Variants in PTPRD observed in about 807,000 individuals in gnomAD.
The protein encoded by PTPRD is protein tyrosine phosphatase receptor type D.
A neutral mutation model predicts 214.5 loss-of-function variants in PTPRD; 34 were observed. That is an observed-to-expected ratio of 0.16 (90% CI 0.12 to 0.21). The LOEUF is 0.21. Among genes scored for constraint, PTPRD ranks in the 10% least tolerant of loss-of-function variants. PTPRD has a pLI of 1.00. For synonymous variants in PTPRD, 1,128 were observed against 845.7 expected (o/e 1.33, Z -5.79); for missense variants, 2,545 against 2,398.7 (o/e 1.06, Z -1.27).
chr9:10,579,296 T>G lies in PTPRD; in HGVS notation c.-600+33102A>C, dbSNP rs2070798000. The stretch of plus-strand genomic sequence containing the variant: ...TCCCACTCCCCATAGTAGTCCCCAG[T>G]GTCTATTGTTCCCATCTTTATGTCC... On this transcript the variant is annotated intron_variant, in intron 2 of 45. Transcript: ENST00000381196. 2.6e-5 allele frequency among the ~76,000 whole-genome samples: 4 copies of G among 152,142 alleles called. 1 individual carries two copies. The highest frequency in any genetic ancestry group is 2.6e-4 in the Admixed American group (4 of 15,266).
intron 5 of PTPRD, among the ~76,000 whole-genome samples, chr9:9,936,548 T>C (rs1040110932): frequency 7.0e-6 from 1 of 142,570 alleles, no homozygotes; most frequent in Non-Finnish European, 1.5e-5. Flanking sequence ...CCAGTTAGAA[T>C]GGCGATCATT....
At chr9:8,661,289 C>T (rs539200452) in intron 12 of PTPRD, among the ~76,000 whole-genome samples, 1 of 152,184 alleles carries the variant, frequency 6.6e-6, no homozygotes, top group East Asian at 1.9e-4. Context: ...ATACACAGTT[C>T]AGCCCAGGAA....
At chr9:8,548,133 G>A (rs1334822854) in intron 14 of PTPRD, among the ~76,000 whole-genome samples, 1 of 152,172 alleles carries the variant, frequency 6.6e-6, no homozygotes, top group Non-Finnish European at 1.5e-5. Context: ...GTAGTAAAGG[G>A]CCTTCAAGGC....
At chr9:9,684,743 C>T (rs1456274532) in intron 7 of PTPRD, among the ~76,000 whole-genome samples, 1 of 150,322 alleles carries the variant, frequency 6.7e-6, no homozygotes, top group Non-Finnish European at 1.5e-5. Context: ...TACTCTTTTT[C>T]TTAGATGGGA....
At chr9:8,863,171 G>A (rs552888047) in intron 11 of PTPRD, among the ~76,000 whole-genome samples, 105 of 152,326 alleles carry the variant, frequency 6.9e-4, no homozygotes, top group Non-Finnish European at 1.1e-3. Context: ...ACCCTCACCT[G>A]CAGTGTGTAG....
chr9:8,791,212 C>T (rs577757513), intron 11 of PTPRD, among the ~76,000 whole-genome samples: 1 of 151,794 alleles, frequency 6.6e-6, no homozygotes, highest in East Asian at 1.9e-4. Flanking sequence ...GAGGAGAAGA[C>T]AATTTTTTTT....
chr9:8,958,795 A>C (rs2099144591), intron 11 of PTPRD: 1 of 152,032 alleles, frequency 6.6e-6, no homozygotes, highest in African/African-American at 2.4e-5. Flanking sequence ...CTTAATTGCT[A>C]CTGACATCAT....
chr9:9,556,873 G>T (rs938181401), intron 8 of PTPRD, among the ~76,000 whole-genome samples: 1 of 152,136 alleles, frequency 6.6e-6, no homozygotes, highest in African/African-American at 2.4e-5. Flanking sequence ...AAGAACAAAG[G>T]ATTAGAAACC....
At position 9,891,463 on chromosome 9, in the gene PTPRD, T is replaced by C. The variant is rs535168394; in HGVS notation, c.-368+47044A>G. ...CATGTAGAGAAAGCCATTACTAACATATAGACCATTATTTCTTCTGTCACA... is the reference window on the plus strand; with the variant it reads ...CATGTAGAGAAAGCCATTACTAACACATAGACCATTATTTCTTCTGTCACA... On this transcript the variant is annotated intron_variant, in intron 5 of 45. Transcript: ENST00000381196. Among the ~76,000 whole-genome samples the C allele has an allele frequency of 5.9e-5, 9 of 152,014 alleles. No homozygotes were observed. The South Asian group carries it at 1.2e-3, about 21-fold the overall frequency.
At chr9:8,999,139 G>A (rs902888135) in intron 11 of PTPRD, among the ~76,000 whole-genome samples, 1 of 152,100 alleles carries the variant, frequency 6.6e-6, no homozygotes, top group African/African-American at 2.4e-5. Context: ...AGTTGGTAAA[G>A]CAGTGGCAGG....
At chr9:9,008,576 T>C (rs2099493030) in intron 11 of PTPRD, among the ~76,000 whole-genome samples, 1 of 152,014 alleles carries the variant, frequency 6.6e-6, no homozygotes, top group Non-Finnish European at 1.5e-5. Context: ...ATCTGACAAT[T>C]CTATGGAAAA....
At chr9:9,779,441 C>A (rs1257227271) in intron 5 of PTPRD, among the ~76,000 whole-genome samples, 2 of 152,128 alleles carry the variant, frequency 1.3e-5, no homozygotes, top group African/African-American at 4.8e-5. Context: ...AGGAAATATT[C>A]ACAACCTATG....
At chr9:9,014,192 TTTG>T (rs377597478) in intron 11 of PTPRD, among the ~76,000 whole-genome samples, 51,082 of 139,124 alleles carry the variant, frequency 0.37, 9,280 homozygotes, top group Middle Eastern at 0.46. Context: ...TTTTTGTTTG[TTTG>T]TTTGTTTTTT....
At chr9:10,565,163 A>T (rs1214908421) in intron 2 of PTPRD, among the ~76,000 whole-genome samples, 1 of 152,124 alleles carries the variant, frequency 6.6e-6, no homozygotes, top group East Asian at 1.9e-4. Context: ...TATATATATA[A>T]ATGTAGGCAC....
intron 10 of PTPRD, among the ~76,000 whole-genome samples, chr9:9,143,192 C>T (rs1426192937): frequency 4.6e-5 from 7 of 152,144 alleles, no homozygotes; most frequent in African/African-American, 1.7e-4. Flanking sequence ...TCTCTGAGAC[C>T]CTGACAGAGC....
intron 11 of PTPRD, among the ~76,000 whole-genome samples, chr9:9,016,306 G>C (rs1260766639): frequency 6.6e-6 from 1 of 152,180 alleles, no homozygotes; most frequent in East Asian, 1.9e-4. Flanking sequence ...GAGGAAGGCA[G>C]TAAAATACAT....
At chr9:10,140,910 T>A (rs36074893) in intron 3 of PTPRD, among the ~76,000 whole-genome samples, 8,716 of 151,772 alleles carry the variant, frequency 0.057, 363 homozygotes, top group Admixed American at 0.13. Context: ...CATGATCAAG[T>A]GGGCTTCATC....
intron 7 of PTPRD, among the ~76,000 whole-genome samples, chr9:9,581,636 GA>G (rs35988948): frequency 6.6e-6 from 1 of 151,636 alleles, no homozygotes. Context: ...AGACCCTTGG[GA>G]AAAAAAATAC....
At chr9:9,202,735 C>A (rs952116492) in intron 9 of PTPRD, among the ~76,000 whole-genome samples, 1 of 152,164 alleles carries the variant, frequency 6.6e-6, no homozygotes, top group African/African-American at 2.4e-5. Flanking sequence ...CACATGTAAC[C>A]TGAGGACATG....
Sources: gnomAD v4.1 joint callset for allele counts (sites outside exome capture counted in the v4.1 genomes callset) on GRCh38, gnomAD v4.1.1 for gene constraint, MANE v1.5 for transcripts, NCBI Gene and HGNC (gene_info 2026-07-23, HGNC 2026-07-21) for gene names.